The following RGS8 variants were observed in gnomAD, a reference collection of about 807,000 sequenced individuals.
RGS8 encodes the protein regulator of G-protein signaling 8.
RGS8 carries 8 observed loss-of-function variants against 21.7 expected under a neutral mutation model. The observed-to-expected ratio is 0.37, with a 90% CI of 0.22 to 0.66. RGS8 has a LOEUF of 0.66. RGS8 is among the 30% of genes least tolerant of loss of function. The probability of loss-of-function intolerance (pLI) is 0.59; values close to 1 mark genes in which losing one functional copy is unlikely to be tolerated. For synonymous variants in RGS8, 80 were observed against 83.6 expected (o/e 0.96, Z 0.24); for missense variants, 157 against 217.9 (o/e 0.72, Z 1.76).
chr1:182,701,267 A>G, the RGS8 span, among the ~76,000 whole-genome samples: 36 of 152,368 alleles, frequency 2.4e-4, no homozygotes, highest in African/African-American at 8.2e-4. Flanking sequence ...AGCAGGCATC[A>G]GATGACTTCT....
rs539842456 is a variant in RGS8 at position 182,661,733 on chromosome 1, T to C, written c.193+4236A>G. Among the ~76,000 whole-genome samples, 7 of 152,092 alleles carry C rather than the reference T, an allele frequency of 4.6e-5. No individual in the cohort carries two copies. In the East Asian group the frequency reaches 1.3e-3, roughly 29 times the overall value. On this transcript the variant is annotated intron_variant, in intron 5 of 6. Coordinates refer to ENST00000483095, the Ensembl canonical transcript of RGS8. The stretch of plus-strand genomic sequence containing the variant: ...TTTCCCAGAGACCTGTCAGAAAAGA[T>C]CTTCCACAAATGAGGAAACTTTGCT...
intron 5 of RGS8, among the ~76,000 whole-genome samples, chr1:182,665,193 C>T (rs1663793107): frequency 1.3e-5 from 2 of 152,192 alleles, no homozygotes; most frequent in Non-Finnish European, 2.9e-5. Context: ...CTTCACAAAA[C>T]CCCTCCCTCT....
chr1:182,706,816 A>G, the RGS8 span, among the ~76,000 whole-genome samples: 2 of 152,316 alleles, frequency 1.3e-5, no homozygotes, highest in African/African-American at 4.8e-5. Context: ...ATTTCATATC[A>G]AACTCTAAAT....
At chr1:182,713,587 G>C in the RGS8 span, among the ~76,000 whole-genome samples, 1 of 152,144 alleles carries the variant, frequency 6.6e-6, no homozygotes, top group African/African-American at 2.4e-5. Context: ...GGATGAACCT[G>C]AGGTCCTTCC....
chr1:182,696,341 G>T, the RGS8 span, among the ~76,000 whole-genome samples: 1 of 151,834 alleles, frequency 6.6e-6, no homozygotes, highest in East Asian at 1.9e-4. Flanking sequence ...TTTTATTTTT[G>T]AGATGGAGTC....
At chr1:182,671,678 G>A in exon 2 of RGS8, 1 of 1,614,152 alleles carries the variant, frequency 6.2e-7, no homozygotes, top group Non-Finnish European at 8.5e-7. Context: ...AGTCCTCATG[G>A]CCTGAGGGTC....
chr1:182,745,422 C>T, the RGS8 span, among the ~76,000 whole-genome samples: 1 of 152,208 alleles, frequency 6.6e-6, no homozygotes, highest in Non-Finnish European at 1.5e-5. Flanking sequence ...AAGCCTGGTA[C>T]TCTGATATGT....
At chr1:182,694,005 C>G in the RGS8 span, among the ~76,000 whole-genome samples, 1 of 152,014 alleles carries the variant, frequency 6.6e-6, no homozygotes, top group Non-Finnish European at 1.5e-5. Context: ...GGATAGTATC[C>G]AGTACCCTAC....
the RGS8 span, among the ~76,000 whole-genome samples, chr1:182,722,516 C>T: frequency 6.6e-6 from 1 of 152,240 alleles, no homozygotes; most frequent in Non-Finnish European, 1.5e-5. Context: ...TGGCTCTTTC[C>T]CTGTGCCTGG....
chr1:182,733,675 C>A, the RGS8 span: 5 of 152,188 alleles, frequency 3.3e-5, no homozygotes, highest in Non-Finnish European at 7.3e-5. Flanking sequence ...TGTCAAGGAC[C>A]AGCCAAGGTC....
intron 1 of RGS8, among the ~76,000 whole-genome samples, chr1:182,682,050 T>C (rs950471898): frequency 1.3e-5 from 2 of 152,130 alleles, no homozygotes; most frequent in Admixed American, 6.6e-5. Context: ...TTCTGACATC[T>C]CTAGAAATGT....
the RGS8 span, among the ~76,000 whole-genome samples, chr1:182,732,004 T>C: frequency 6.6e-6 from 1 of 152,010 alleles, no homozygotes; most frequent in Non-Finnish European, 1.5e-5. Flanking sequence ...ATGACCTGGG[T>C]ATGAGCCAGG....
At chr1:182,665,925 A>G (rs746779721) in intron 5 of RGS8, 44 bp downstream of exon 6, 6 of 1,537,656 alleles carry the variant, frequency 3.9e-6, no homozygotes, top group Non-Finnish European at 5.4e-6. Context: ...CTCTCACTAA[A>G]TAGATGATTT....
the RGS8 span, among the ~76,000 whole-genome samples, chr1:182,738,154 A>G: frequency 6.6e-6 from 1 of 152,254 alleles, no homozygotes; most frequent in African/African-American, 2.4e-5. Flanking sequence ...ATTATGTTGT[A>G]TTCACATCTA....
At chr1:182,733,040 A>G in the RGS8 span, among the ~76,000 whole-genome samples, 5 of 152,248 alleles carry the variant, frequency 3.3e-5, no homozygotes, top group Non-Finnish European at 7.3e-5. Context: ...AGGAAACCTG[A>G]ATACAGAAGC....
intron 3 of RGS8, among the ~76,000 whole-genome samples, chr1:182,667,858 T>C (rs1663949643): frequency 6.6e-6 from 1 of 152,174 alleles, no homozygotes; most frequent in Non-Finnish European, 1.5e-5. Context: ...TTAATTTTTT[T>C]TTTTTTAGAG....
the RGS8 span, among the ~76,000 whole-genome samples, chr1:182,718,099 TG>T: frequency 7.2e-5 from 11 of 152,142 alleles, no homozygotes; most frequent in Admixed American, 7.2e-4. Flanking sequence ...TGACCAAGGG[TG>T]TGATGACCTC....
At chr1:182,746,493 C>G in the RGS8 span, among the ~76,000 whole-genome samples, 3 of 152,034 alleles carry the variant, frequency 2.0e-5, no homozygotes, top group Non-Finnish European at 4.4e-5. Flanking sequence ...ATGATGAAAC[C>G]CTGTCTCTAC....
intron 1 of RGS8, among the ~76,000 whole-genome samples, chr1:182,679,134 A>T (rs2102455043): frequency 1.3e-5 from 2 of 152,202 alleles, no homozygotes; most frequent in Middle Eastern, 6.8e-3. Context: ...TAACAAAAAC[A>T]ATGTTCATCT....
Sources: allele counts gnomAD v4.1 joint callset (sites outside exome capture counted in the v4.1 genomes callset), GRCh38; gene constraint gnomAD v4.1.1; transcripts MANE v1.5; gene names NCBI Gene and HGNC (gene_info 2026-07-23, HGNC 2026-07-21).